Variants in RAB5C observed in about 807,000 individuals in gnomAD.
The protein encoded by RAB5C is RAB5C, member RAS oncogene family.
RAB5C carries 4 observed loss-of-function variants against 25.2 expected under a neutral mutation model. The ratio of observed to expected loss-of-function variants is 0.16; its 90% CI spans 0.08 to 0.36. The LOEUF (loss-of-function observed/expected upper bound fraction) is 0.36, where lower values mean the gene tolerates loss of function less well. RAB5C is among the 10% of genes least tolerant of loss of function. RAB5C has a pLI of 1.00. For missense variants in RAB5C, 199 were observed against 283.8 expected (o/e 0.70, Z 2.15); for synonymous variants, 100 against 106.4 (o/e 0.94, Z 0.37).
intron 1 of RAB5C, among the ~76,000 whole-genome samples, chr17:42,140,466 C>G (rs2054581037): frequency 8.0e-6 from 1 of 125,324 alleles, no homozygotes; most frequent in Non-Finnish European, 1.7e-5. Context: ...GCCTGGGCAC[C>G]AAAGAACAAT....
At chr17:42,148,316 A>T (rs1321681986) in intron 1 of RAB5C, among the ~76,000 whole-genome samples, 1 of 150,306 alleles carries the variant, frequency 6.7e-6, no homozygotes, top group African/African-American at 2.5e-5. Flanking sequence ...GAAGCAGGAG[A>T]ATCACTTGAA....
chr17:42,131,534 C>CCG, intron 1 of RAB5C: 2 of 1,410,220 alleles, frequency 1.4e-6, no homozygotes, highest in African/African-American at 1.4e-5. Flanking sequence ...CAAACACACA[C>CCG]AGAAACACAC....
intron 1 of RAB5C, among the ~76,000 whole-genome samples, chr17:42,140,886 T>C (rs2079599490): frequency 6.6e-6 from 1 of 152,068 alleles, no homozygotes; most frequent in South Asian, 2.1e-4. Context: ...TGGATTGCAG[T>C]GACGCAATCA....
chr17:42,149,504 T>G (rs1025744091), intron 1 of RAB5C, among the ~76,000 whole-genome samples: 1 of 151,908 alleles, frequency 6.6e-6, no homozygotes, highest in Non-Finnish European at 1.5e-5. Context: ...ATCACTTGGG[T>G]CCACAAGATC....
At chr17:42,133,522 A>G (rs2054506862) in intron 1 of RAB5C, among the ~76,000 whole-genome samples, 1 of 152,202 alleles carries the variant, frequency 6.6e-6, no homozygotes, top group African/African-American at 2.4e-5. Context: ...CATTGAAGTC[A>G]TCTGTGCAGC....
At chr17:42,133,979 C>T (rs1424581041) in intron 1 of RAB5C, among the ~76,000 whole-genome samples, 1 of 152,180 alleles carries the variant, frequency 6.6e-6, no homozygotes, top group Non-Finnish European at 1.5e-5. Context: ...CCTGAGCAGG[C>T]ACACCCAGCA....
At chr17:42,134,739 A>G (rs910170595) in intron 1 of RAB5C, among the ~76,000 whole-genome samples, 2 of 152,210 alleles carry the variant, frequency 1.3e-5, no homozygotes, top group African/African-American at 4.8e-5. Flanking sequence ...TGTCTTCCAC[A>G]GGAAAGGGGA....
At chr17:42,153,361 G>A (rs1233400450) in intron 1 of RAB5C, among the ~76,000 whole-genome samples, 1 of 152,110 alleles carries the variant, frequency 6.6e-6, no homozygotes, top group Non-Finnish European at 1.5e-5. Flanking sequence ...AGGTTGCAGT[G>A]AGCCAAGATC....
chr17:42,137,910 G>A (rs867559071), intron 1 of RAB5C: 21 of 151,638 alleles, frequency 1.4e-4, no homozygotes, highest in African/African-American at 4.6e-4. Context: ...CAATCAAAAA[G>A]ATGATACCTG....
intron 1 of RAB5C, among the ~76,000 whole-genome samples, chr17:42,133,577 T>G (rs1478116861): frequency 6.6e-6 from 1 of 152,194 alleles, no homozygotes; most frequent in Non-Finnish European, 1.5e-5. Flanking sequence ...GAGCCCAGCA[T>G]CTGCAGGTGA....
intron 1 of RAB5C, among the ~76,000 whole-genome samples, chr17:42,133,722 G>A (rs1329451401): frequency 1.3e-5 from 2 of 152,220 alleles, no homozygotes; most frequent in African/African-American, 4.8e-5. Context: ...CACCTGAGCT[G>A]AGCCTCAGTG....
In RAB5C at chr17:42,125,841, C is replaced by A; in HGVS notation, c.593G>T (p.Arg198Leu). 1 of 1,611,870 alleles carries A rather than the reference C, an allele frequency of 6.2e-7. No homozygotes were observed. The highest frequency in any genetic ancestry group is 8.5e-7 in the Non-Finnish European group (1 of 1,179,228). Residue 198 changes from arginine (R) to leucine (L), a missense_variant, in exon 6 of 6, where the codon CGA (arginine) becomes CTA (leucine). Physicochemically the swap from Arg to Leu is moderately radical, Grantham distance 102. This residue lies in a region of RAB5C where 154 missense variants were observed against 199.6 expected (regional missense o/e 0.77). Transcript: ENST00000346213. ...QNATGAPGRNRGVDLQENNPA... is the reference protein window; with the variant it reads ...QNATGAPGRNLGVDLQENNPA... Reference sequence around the variant, plus strand: ...GTTGTTCTCCTGGAGGTCCACACCTCGGTTTCGGCCTGGAGCACCAGTTGC... The same window carrying A: ...GTTGTTCTCCTGGAGGTCCACACCTAGGTTTCGGCCTGGAGCACCAGTTGC...
At chr17:42,147,915 G>T (rs1052755443) in intron 1 of RAB5C, among the ~76,000 whole-genome samples, 2 of 152,118 alleles carry the variant, frequency 1.3e-5, no homozygotes, top group African/African-American at 4.8e-5. Context: ...TGACCAACAT[G>T]GAGAAACCCC....
rs1158321373 is a variant in RAB5C at position 42,128,287 on chromosome 17, C to A, written c.415G>T (p.Ala139Ser). 4.3e-6 allele frequency: 7 copies of A among 1,613,684 alleles called. No individual in the cohort carries two copies. In the Admixed American group the frequency reaches 1.2e-4, roughly 27 times the overall value. The change falls in exon 4 of 6, where the codon GCC becomes TCC. Residue 139 changes from alanine to serine, a missense_variant. This residue lies in a region of RAB5C where 154 missense variants were observed against 199.6 expected (regional missense o/e 0.77). Coordinates refer to ENST00000346213, the MANE Select transcript of RAB5C (RefSeq NM_004583.4). ...TGGAATTCCACGGCTCTCTTGCTGGCCAGGTCTGCCTTGTTACCCGCGAGT... is the reference window on the plus strand; with the variant it reads ...TGGAATTCCACGGCTCTCTTGCTGGACAGGTCTGCCTTGTTACCCGCGAGT... Reference protein sequence around the residue: ...IALAGNKADLASKRAVEFQEA... With the variant: ...IALAGNKADLSSKRAVEFQEA...
chr17:42,147,960 T>C (rs1008017013), intron 1 of RAB5C, among the ~76,000 whole-genome samples: 3 of 152,138 alleles, frequency 2.0e-5, no homozygotes, highest in Admixed American at 6.5e-5. Flanking sequence ...TAGCCGGCCG[T>C]GGTGGCACAT....
At chr17:42,147,004 GAA>G (rs2079639291) in intron 1 of RAB5C, among the ~76,000 whole-genome samples, 1 of 125,596 alleles carries the variant, frequency 8.0e-6, no homozygotes, top group Admixed American at 7.5e-5. Context: ...CGTCAAGAAA[GAA>G]AGAAAGAAAG....
chr17:42,137,055 C>T (rs1452286718), intron 1 of RAB5C, among the ~76,000 whole-genome samples: 1 of 152,106 alleles, frequency 6.6e-6, no homozygotes, highest in African/African-American at 2.4e-5. Flanking sequence ...CCTGTAATCC[C>T]AGCACTTTGG....
chr17:42,140,033 T>G (rs1280576199), intron 1 of RAB5C, among the ~76,000 whole-genome samples: 1 of 152,184 alleles, frequency 6.6e-6, no homozygotes, highest in East Asian at 1.9e-4. Flanking sequence ...AGGGCCCGTC[T>G]TCCCCCCGTC....
rs775376441 is a variant in RAB5C at position 42,126,863 on chromosome 17, G to C, written c.442-15C>G. ...GCTTGTGCTTCCTGGTTTGGATGGA[G>C]GTGAGAGGAGGTGAGAGGGAAATGT... On this transcript the variant is annotated splice_polypyrimidine_tract_variant and intron_variant, in intron 4 of 5. Coordinates refer to ENST00000346213, the MANE Select transcript of RAB5C (RefSeq NM_004583.4). 5 of 1,528,864 alleles carry C rather than the reference G, an allele frequency of 3.3e-6. No individual in the cohort carries two copies. The highest frequency in any genetic ancestry group is 1.7e-5 in the Admixed American group (1 of 59,234). The allele number at this position is 1,528,864 out of a possible 1,614,324, so 94.7% of individuals were successfully genotyped here.
Sources: allele counts gnomAD v4.1 joint callset (sites outside exome capture counted in the v4.1 genomes callset), GRCh38; gene constraint gnomAD v4.1.1; regional missense constraint gnomAD v4.1.1; transcripts MANE v1.5; gene names NCBI Gene and HGNC (gene_info 2026-07-23, HGNC 2026-07-21).